EDA: variants seen among roughly 807,000 people sequenced by gnomAD.
EDA encodes ectodysplasin A.
A neutral mutation model predicts 23.6 loss-of-function variants in EDA; 2 were observed. That is an observed-to-expected ratio of 0.08 (90% confidence interval 0.03 to 0.27). The LOEUF is 0.27. Ranked by LOEUF, EDA falls within the 10% of genes least tolerant of loss-of-function variation. The pLI is 1.00. For missense variants in EDA, 229 were observed against 324.2 expected (o/e 0.71, Z 2.26); for synonymous variants, 131 against 132.0 (o/e 0.99, Z 0.05).
chrX:69,687,972 G>A (rs1287857572), intron 1 of EDA, among the ~76,000 whole-genome samples: 1 of 111,921 alleles, frequency 8.9e-6, no homozygotes, highest in Admixed American at 9.5e-5. Flanking sequence ...TGAGCTGTTA[G>A]TACAAAGTCT....
intron 1 of EDA, among the ~76,000 whole-genome samples, chrX:69,829,954 G>C (rs1020108950): frequency 8.9e-6 from 1 of 111,785 alleles, no homozygotes; most frequent in Non-Finnish European, 1.9e-5. Flanking sequence ...CTGTGTTATA[G>C]TTTGCCATTA....
chrX:69,846,828 A>G (rs377167626), intron 1 of EDA, among the ~76,000 whole-genome samples: 2 of 111,714 alleles, frequency 1.8e-5, no homozygotes, highest in South Asian at 7.6e-4. Context: ...TCGGTGTACT[A>G]AAAGGGAATC....
At chrX:69,709,366 A>G (rs1448148352) in intron 1 of EDA, among the ~76,000 whole-genome samples, 1 of 111,901 alleles carries the variant, frequency 8.9e-6, no homozygotes, top group Non-Finnish European at 1.9e-5. Context: ...GCATTTGGCT[A>G]GGGACCATTG....
At chrX:69,701,571 CTTG>C (rs1347439139) in intron 1 of EDA, among the ~76,000 whole-genome samples, 7 of 111,565 alleles carry the variant, frequency 6.3e-5, no homozygotes, top group Admixed American at 4.7e-4. Context: ...TTAAGAAGGT[CTTG>C]TTGTAGGATT....
chrX:69,887,277 A>C (rs916581002), intron 1 of EDA, among the ~76,000 whole-genome samples: 13 of 111,631 alleles, frequency 1.2e-4, no homozygotes, highest in Non-Finnish European at 3.8e-5. Context: ...ACTGCACTCT[A>C]GCCTGGGCAA....
At chrX:70,028,703 A>G (rs1360548968) in intron 4 of EDA, among the ~76,000 whole-genome samples, 2 of 112,880 alleles carry the variant, frequency 1.8e-5, no homozygotes, top group Non-Finnish European at 3.7e-5. Context: ...ATCCCTTTGC[A>G]TCTTTCTCCT....
At chrX:69,953,614 C>A (rs1294694969) in intron 1 of EDA, among the ~76,000 whole-genome samples, 1 of 111,543 alleles carries the variant, frequency 9.0e-6, no homozygotes, top group Non-Finnish European at 1.9e-5. Context: ...TTTATAATAG[C>A]CCCAAACTAG....
At chrX:69,626,810 G>C (rs1932400467) in intron 1 of EDA, among the ~76,000 whole-genome samples, 1 of 111,746 alleles carries the variant, frequency 8.9e-6, no homozygotes, top group Non-Finnish European at 1.9e-5. Context: ...AGAAATTATT[G>C]AATTGTACAC....
intron 1 of EDA, among the ~76,000 whole-genome samples, chrX:69,721,661 A>G (rs977402760): frequency 6.3e-5 from 7 of 110,639 alleles, no homozygotes; most frequent in Non-Finnish European, 1.3e-4. Context: ...ACGTGGGCTG[A>G]TCTCTGTTGC....
chrX:69,669,942 A>G (rs1467081700), intron 1 of EDA, among the ~76,000 whole-genome samples: 1 of 112,074 alleles, frequency 8.9e-6, no homozygotes, highest in Non-Finnish European at 1.9e-5. Context: ...CACCATTACA[A>G]CAGTATTGGA....
chrX:69,896,565 A>C (rs1285727588), intron 1 of EDA, among the ~76,000 whole-genome samples: 1 of 111,496 alleles, frequency 9.0e-6, no homozygotes, highest in Non-Finnish European at 1.9e-5. Context: ...ACATTATGAA[A>C]TGTTAAACCT....
chrX:69,827,497 C>T (rs1353167011), intron 1 of EDA, among the ~76,000 whole-genome samples: 9 of 112,100 alleles, frequency 8.0e-5, no homozygotes, highest in Non-Finnish European at 1.5e-4. Context: ...CACATCAGCT[C>T]CTGAGGCTTC....
At chrX:69,904,704 C>T (rs1034322817) in intron 1 of EDA, among the ~76,000 whole-genome samples, 2 of 111,961 alleles carry the variant, frequency 1.8e-5, no homozygotes, top group Non-Finnish European at 3.8e-5. Context: ...CTCTGGTAAC[C>T]AGATCATTTT....
intron 1 of EDA, among the ~76,000 whole-genome samples, chrX:69,715,804 G>A (rs886314987): frequency 2.7e-5 from 3 of 110,967 alleles, no homozygotes; most frequent in Non-Finnish European, 5.7e-5. Flanking sequence ...TCTCATTGTG[G>A]TTTTGATTTG....
intron 1 of EDA, among the ~76,000 whole-genome samples, chrX:69,655,771 T>TATCTATATATATATATATATAC (rs1466699703): frequency 5.8e-5 from 5 of 86,316 alleles, no homozygotes; most frequent in African/African-American, 2.5e-4. Context: ...TCTATATATA[T>TATCTATATATATATATATATAC]ATATATATAT....
chrX:69,667,467 A>G (rs1933725921), intron 1 of EDA, among the ~76,000 whole-genome samples: 2 of 109,784 alleles, frequency 1.8e-5, no homozygotes, highest in Non-Finnish European at 3.8e-5. Flanking sequence ...CTTTCATTCT[A>G]TTTGAGCCTT....
intron 1 of EDA, among the ~76,000 whole-genome samples, chrX:69,778,166 A>G (rs2147440846): frequency 1.8e-5 from 2 of 111,967 alleles, no homozygotes; most frequent in Non-Finnish European, 3.8e-5. Context: ...TCATTTAATT[A>G]TAGCAGTGTA....
At chrX:69,992,586 C>A (rs2019603364) in intron 2 of EDA, among the ~76,000 whole-genome samples, 1 of 112,100 alleles carries the variant, frequency 8.9e-6, no homozygotes, top group South Asian at 3.7e-4. Flanking sequence ...CTCTCTATTA[C>A]AAACAATGCT....
intron 2 of EDA, among the ~76,000 whole-genome samples, chrX:69,983,627 G>T (rs1288617006): frequency 2.0e-5 from 1 of 50,073 alleles, no homozygotes; most frequent in Admixed American, 2.7e-4. Flanking sequence ...CGAGAGATCC[G>T]CTGTTAGTCT....
Sources: gnomAD v4.1 joint callset for allele counts (sites outside exome capture counted in the v4.1 genomes callset) on GRCh38, gnomAD v4.1.1 for gene constraint, MANE v1.5 for transcripts, NCBI Gene and HGNC (gene_info 2026-07-23, HGNC 2026-07-21) for gene names.